The following SGPP1 variants were observed in gnomAD, a reference collection of about 807,000 sequenced individuals.
The protein encoded by SGPP1 is sphingosine-1-phosphate phosphatase 1.
Under a neutral mutation model 33.0 loss-of-function variants are expected in SGPP1, and 21 were observed. That is an observed-to-expected ratio of 0.64 (90% CI 0.45 to 0.92). SGPP1 has a LOEUF of 0.92. Among genes scored for constraint, SGPP1 ranks in the 40% least tolerant of loss-of-function variants. SGPP1 has a pLI of 0.00. For synonymous variants in SGPP1, 239 were observed against 241.2 expected (o/e 0.99, Z 0.08); for missense variants, 543 against 589.4 (o/e 0.92, Z 0.81).
Position 63,686,586 on chromosome 14 carries a change from T to C in SGPP1, c.845A>G (p.Asp282Gly). ...AVFYPFVDLIDNFNQTHKYAP... is the reference protein window; with the variant it reads ...AVFYPFVDLIGNFNQTHKYAP... ...ATATTTGTGAGTTTGGTTGAAGTTGTCAATCAGGTCCACAAATGGATAGAA... is the reference window on the plus strand; with the variant it reads ...ATATTTGTGAGTTTGGTTGAAGTTGCCAATCAGGTCCACAAATGGATAGAA... Residue 282 changes from aspartate (D) to glycine (G), a missense_variant, in exon 3 of 3, where the codon GAC becomes GGC. Coordinates refer to ENST00000247225, the MANE Select transcript of SGPP1 (RefSeq NM_030791.4). 1.2e-6 allele frequency: 2 copies of C among 1,613,930 alleles called. No homozygotes were observed. Among genetic ancestry groups the C allele is most frequent in the Non-Finnish European group, 1.7e-6 (2 of 1,179,856 alleles).
intron 1 of SGPP1, among the ~76,000 whole-genome samples, chr14:63,709,101 G>A (rs752816584): frequency 3.3e-5 from 5 of 152,176 alleles, no homozygotes; most frequent in Non-Finnish European, 5.9e-5. Context: ...CTGGCTGGGC[G>A]TGGTGGGTCA....
In SGPP1 at chr14:63,716,650, C is replaced by A. The variant is rs1210941037; in HGVS notation, c.684+10611G>T. On this transcript the variant is annotated intron_variant, in intron 1 of 2. Transcript: ENST00000247225. The stretch of plus-strand genomic sequence containing the variant: ...CGAGGCTCTTGGGTTTAAGATCTCA[C>A]AATTGCACCCCAGCCTGGGTGACAG... Among the ~76,000 whole-genome samples the A allele has an allele frequency of 3.7e-4, 56 of 151,824 alleles. 1 individual carries two copies. The highest frequency in any genetic ancestry group is 3.7e-3 in the Admixed American group (56 of 15,246).
chr14:63,703,719 A>G (rs1441688933), intron 1 of SGPP1, among the ~76,000 whole-genome samples: 1 of 150,828 alleles, frequency 6.6e-6, no homozygotes, highest in Non-Finnish European at 1.5e-5. Flanking sequence ...ATGGATTAGA[A>G]GACTTAATAC....
Position 63,712,154 on chromosome 14 carries a change from A to G in SGPP1, c.685-13496T>C, listed in dbSNP as rs192119142. Among the ~76,000 whole-genome samples the G allele has an allele frequency of 4.3e-3, 657 of 152,258 alleles. 7 individuals are homozygous for G. The highest frequency in any genetic ancestry group is 0.015 in the African/African-American group (604 of 41,530). Reference sequence around the variant, plus strand: ...TATAATATGGTCCCAACTATTTTCAAATTGTAAGGAAATAAAAAATTAACA... The same window carrying G: ...TATAATATGGTCCCAACTATTTTCAGATTGTAAGGAAATAAAAAATTAACA... On this transcript the variant is annotated intron_variant, in intron 1 of 2. Coordinates refer to ENST00000247225, the MANE Select transcript of SGPP1 (RefSeq NM_030791.4).
chr14:63,708,454 G>C (rs959644114), intron 1 of SGPP1, among the ~76,000 whole-genome samples: 7 of 151,006 alleles, frequency 4.6e-5, no homozygotes, highest in Non-Finnish European at 8.9e-5. Context: ...AGTAGAGATG[G>C]GGTTTTGCCA....
At chr14:63,703,800 G>GTTTTTTTTT (rs57439548) in intron 1 of SGPP1, among the ~76,000 whole-genome samples, 2 of 98,922 alleles carry the variant, frequency 2.0e-5, no homozygotes, top group African/African-American at 4.2e-5. Context: ...CCCTATTTAA[G>GTTTTTTTTT]TTTTTTTTTT....
At chr14:63,710,688 A>T (rs948763135) in intron 1 of SGPP1, among the ~76,000 whole-genome samples, 1 of 152,164 alleles carries the variant, frequency 6.6e-6, no homozygotes. Context: ...TGACAGACAA[A>T]GGCTTCTGAA....
At chr14:63,716,208 A>G (rs1430070806) in intron 1 of SGPP1, among the ~76,000 whole-genome samples, 2 of 152,146 alleles carry the variant, frequency 1.3e-5, no homozygotes, top group Non-Finnish European at 2.9e-5. Context: ...GCTATAAAAC[A>G]TCTTATAAAT....
chr14:63,688,725 C>CTTTT (rs1051862998), intron 2 of SGPP1, among the ~76,000 whole-genome samples: 1 of 115,942 alleles, frequency 8.6e-6, no homozygotes, highest in African/African-American at 4.4e-5. Context: ...TTTTTTTTTT[C>CTTTT]TTTTTTTTTT....
chr14:63,696,959 T>C (rs1885198851), intron 2 of SGPP1, among the ~76,000 whole-genome samples: 1 of 152,118 alleles, frequency 6.6e-6, no homozygotes, highest in South Asian at 2.1e-4. Context: ...GCCCTCCAGC[T>C]TGGACAACAG....
intron 1 of SGPP1, among the ~76,000 whole-genome samples, chr14:63,701,725 G>T (rs1188667750): frequency 6.6e-6 from 1 of 152,076 alleles, no homozygotes; most frequent in African/African-American, 2.4e-5. Flanking sequence ...GGGAGCCACT[G>T]CAGGGTTTTG....
chr14:63,718,916 T>C (rs1453408449), intron 1 of SGPP1, among the ~76,000 whole-genome samples: 13 of 135,578 alleles, frequency 9.6e-5, no homozygotes, highest in Admixed American at 3.2e-4. Flanking sequence ...TTAAATACAA[T>C]GTTAAAATTA....
intron 1 of SGPP1, among the ~76,000 whole-genome samples, chr14:63,720,621 G>A (rs1011595568): frequency 3.3e-5 from 5 of 151,836 alleles, no homozygotes; most frequent in Non-Finnish European, 5.9e-5. Flanking sequence ...TTAGCCGGGC[G>A]TGATGGTGGA....
In SGPP1 at chr14:63,686,615, A is replaced by G; in HGVS notation, c.816T>C (p.Ala272=). Residue 272 remains alanine (A), a synonymous_variant, in exon 3 of 3, where the codon GCT becomes GCC. Transcript: ENST00000247225. The stretch of plus-strand genomic sequence containing the variant: ...TCAGGTCCACAAATGGATAGAAGAC[A>G]GCTAAGATTAAAATGGTATATAGGA... The part of the protein sequence containing the change: ...AGFLYTILIL[A]VFYPFVDLID... 1 of 1,613,408 alleles carries G rather than the reference A, an allele frequency of 6.2e-7. No individual in the cohort carries two copies. Among genetic ancestry groups the G allele is most frequent in the Non-Finnish European group, 8.5e-7 (1 of 1,179,496 alleles).
intron 2 of SGPP1, among the ~76,000 whole-genome samples, chr14:63,687,117 T>A (rs902323085): frequency 6.6e-6 from 1 of 152,148 alleles, no homozygotes; most frequent in Non-Finnish European, 1.5e-5. Flanking sequence ...ACCCCTATTT[T>A]AGGGGTTGAG....
rs1333279269 is a variant in SGPP1 at position 63,727,362 on chromosome 14, C to T, written c.583G>A (p.Glu195Lys). The stretch of plus-strand genomic sequence containing the variant: ...CTGTACTCAGAGTTGTAGAAGACCT[C>T]CAACTTGACCACGGGCGGCGAGGCG... ...RPASPPVVKLEVFYNSEYSMP... is the reference protein window; with the variant it reads ...RPASPPVVKLKVFYNSEYSMP... The change falls in exon 1 of 3, where the codon GAG becomes AAG. Residue 195 changes from glutamate (E) to lysine (K), a missense_variant. Coordinates refer to ENST00000247225, the MANE Select transcript of SGPP1 (RefSeq NM_030791.4). The T allele has an allele frequency of 6.2e-7, 1 of 1,614,172 alleles. No homozygotes were observed. Among genetic ancestry groups the T allele is most frequent in the Non-Finnish European group, 8.5e-7 (1 of 1,180,032 alleles).
At position 63,685,660 on chromosome 14, in the gene SGPP1, T is replaced by C. The variant is rs888369930; in HGVS notation, c.*445A>G. ...AGTAAATAAATGTTAAATATATCTG[T>C]TAATAACAACATACCTGTATGTAGT... On this transcript the variant is annotated 3_prime_UTR_variant, in exon 3 of 3. Coordinates refer to ENST00000247225, the MANE Select transcript of SGPP1 (RefSeq NM_030791.4). 2 of 152,036 alleles carry C rather than the reference T, an allele frequency of 1.3e-5. No individual in the cohort carries two copies. Among genetic ancestry groups the C allele is most frequent in the African/African-American group, 2.4e-5 (1 of 41,366 alleles). The allele number at this position is 152,036 out of a possible 1,614,324, so 9.4% of individuals were successfully genotyped here. A position where few individuals can be genotyped will look rare whatever the true frequency, so the allele number is the denominator to read the frequency against.
chr14:63,720,430 C>T (rs977372643), intron 1 of SGPP1, among the ~76,000 whole-genome samples: 3 of 151,708 alleles, frequency 2.0e-5, no homozygotes, highest in Non-Finnish European at 2.9e-5. Context: ...AAGCAAGATC[C>T]AGAACAGTAC....
chr14:63,686,255 G>T lies in SGPP1; in HGVS notation c.1176C>A (p.Cys392Ter). The change falls in exon 3 of 3, where the codon TGC becomes TGA. Residue 392 changes from cysteine to a stop codon, truncating the protein, a stop_gained. Coordinates refer to ENST00000247225, the MANE Select transcript of SGPP1 (RefSeq NM_030791.4). LOFTEE classifies it high-confidence loss of function. Reference protein sequence around the residue: ...VMKKITIPLACKIFNIPCDDI... With the variant: ...VMKKITIPLA Reference sequence around the variant, plus strand: ...CATCACACGGTATATTGAAGATTTTGCAGGCTAAAGGAATGGTGATCTTTT... The same window carrying T: ...CATCACACGGTATATTGAAGATTTTTCAGGCTAAAGGAATGGTGATCTTTT... 1 of 1,614,132 alleles carries T rather than the reference G, an allele frequency of 6.2e-7. No individual in the cohort carries two copies.
Sources: gnomAD v4.1 joint callset for allele counts (sites outside exome capture counted in the v4.1 genomes callset) on GRCh38, gnomAD v4.1.1 for gene constraint, MANE v1.5 for transcripts, NCBI Gene and HGNC (gene_info 2026-07-23, HGNC 2026-07-21) for gene names.